CTNND2: variants seen among roughly 807,000 people sequenced by gnomAD.
The protein encoded by CTNND2 is catenin delta-2.
A neutral mutation model predicts 144.4 loss-of-function variants in CTNND2; 22 were observed. The ratio of observed to expected loss-of-function variants is 0.15; its 90% CI spans 0.11 to 0.22. The LOEUF (loss-of-function observed/expected upper bound fraction) is 0.22. Ranked by LOEUF, CTNND2 falls within the 10% of genes least tolerant of loss-of-function variation. The pLI is 1.00. For missense variants in CTNND2, 1,353 were observed against 1,618.8 expected, an observed-to-expected ratio of 0.84 and a Z score of 2.82; for synonymous variants, 751 against 695.6, an observed-to-expected ratio of 1.08 and a Z score of -1.25.
intron 1 of CTNND2, among the ~76,000 whole-genome samples, chr5:11,787,446 A>G (rs557309852): frequency 6.5e-4 from 99 of 152,302 alleles, no homozygotes; most frequent in African/African-American, 2.1e-3. Context: ...ACACGCCAAC[A>G]TATCTAGCCA....
intron 9 of CTNND2, among the ~76,000 whole-genome samples, chr5:11,282,352 G>A (rs1747240244): frequency 6.6e-6 from 1 of 152,160 alleles, no homozygotes; most frequent in Non-Finnish European, 1.5e-5. Context: ...GTACTCAACA[G>A]GGAGAGTTAA....
intron 9 of CTNND2, among the ~76,000 whole-genome samples, chr5:11,262,935 C>T (rs570074694): frequency 2.2e-4 from 34 of 152,042 alleles, no homozygotes; most frequent in South Asian, 1.5e-3. Context: ...CTTTTCCTGC[C>T]GAGAATCGTT....
intron 6 of CTNND2, among the ~76,000 whole-genome samples, chr5:11,393,278 T>C (rs1252796359): frequency 6.7e-6 from 1 of 148,594 alleles, no homozygotes; most frequent in Non-Finnish European, 1.5e-5. Flanking sequence ...TCTTAATTTC[T>C]CTTACAGCAA....
At chr5:11,871,642 A>G (rs1236881855) in intron 1 of CTNND2, among the ~76,000 whole-genome samples, 1 of 152,220 alleles carries the variant, frequency 6.6e-6, no homozygotes, top group Admixed American at 6.5e-5. Flanking sequence ...TCAGTATACC[A>G]AAGAAAGACT....
chr5:11,780,255 C>T (rs943750835), intron 1 of CTNND2, among the ~76,000 whole-genome samples: 2 of 152,180 alleles, frequency 1.3e-5, no homozygotes, highest in Non-Finnish European at 2.9e-5. Context: ...TCCTGAGCCC[C>T]TAGGTACAGA....
rs148463990 is a variant in CTNND2, at chr5:11,404,138, T to C, written c.440-6935A>G. Among the ~76,000 whole-genome samples, 6 of 152,310 alleles carry C rather than the reference T, an allele frequency of 3.9e-5. 1 individual carries two copies. The highest frequency in any genetic ancestry group is 4.1e-4 in the South Asian group (2 of 4,828). On this transcript the variant is annotated intron_variant, in intron 5 of 21. Coordinates refer to ENST00000304623, the MANE Select transcript of CTNND2 (RefSeq NM_001332.4). ...CTGTCAGGGACATGATGTTGTTACA[T>C]GCCATGTAGTCTCTGGAAATCTTCA...
chr5:11,329,186 T>G (rs559130907), intron 9 of CTNND2, among the ~76,000 whole-genome samples: 1 of 152,116 alleles, frequency 6.6e-6, no homozygotes, highest in Non-Finnish European at 1.5e-5. Context: ...GACAGAGTCT[T>G]GCTCTGTCAC....
At position 11,746,726 on chromosome 5, in the gene CTNND2, C is replaced by G. The variant is rs573751131; in HGVS notation, c.38-14454G>C. Among the ~76,000 whole-genome samples, 3 of 152,166 alleles carry G rather than the reference C, an allele frequency of 2.0e-5. No individual in the cohort carries two copies. The South Asian group carries it at 6.2e-4, about 32-fold the overall frequency. ...AATTGGGTCTTATTCATATTTATAA[C>G]CTCAGTGCCTAGAATAATGCCTAGT... On this transcript the variant is annotated intron_variant, in intron 1 of 21. Coordinates refer to ENST00000304623, the MANE Select transcript of CTNND2 (RefSeq NM_001332.4).
intron 2 of CTNND2, among the ~76,000 whole-genome samples, chr5:11,668,513 T>C (rs1783697172): frequency 6.6e-6 from 1 of 152,110 alleles, no homozygotes; most frequent in Admixed American, 6.5e-5. Flanking sequence ...GGTATTTCAT[T>C]CTCTTTGCAG....
intron 3 of CTNND2, among the ~76,000 whole-genome samples, chr5:11,452,711 AT>A (rs1765404299): frequency 6.6e-6 from 1 of 152,212 alleles, no homozygotes; most frequent in African/African-American, 2.4e-5. Flanking sequence ...TTACCCAGTA[AT>A]TTATAAAATA....
chr5:11,302,176 G>A (rs1749679489), intron 9 of CTNND2, among the ~76,000 whole-genome samples: 1 of 152,118 alleles, frequency 6.6e-6, no homozygotes, highest in South Asian at 2.1e-4. Context: ...CTTCCCCTAA[G>A]GTTGGCTCTT....
At chr5:11,516,482 A>G (rs947913695) in intron 3 of CTNND2, among the ~76,000 whole-genome samples, 2 of 152,182 alleles carry the variant, frequency 1.3e-5, no homozygotes, top group Non-Finnish European at 2.9e-5. Flanking sequence ...CTGATAATCA[A>G]CTTCAGTAAA....
intron 1 of CTNND2, among the ~76,000 whole-genome samples, chr5:11,814,836 T>A (rs925980650): frequency 1.3e-4 from 20 of 152,348 alleles, no homozygotes; most frequent in Middle Eastern, 3.4e-3. Context: ...GACTACAATA[T>A]AGATTGTTGT....
chr5:11,388,867 A>G (rs1021722916), intron 6 of CTNND2, among the ~76,000 whole-genome samples: 1 of 152,226 alleles, frequency 6.6e-6, no homozygotes, highest in Admixed American at 6.5e-5. Context: ...CCTTAAAAGT[A>G]TGTTAGCACT....
intron 3 of CTNND2, 74 bp downstream of exon 3, chr5:11,564,870 A>T: frequency 1.0e-6 from 1 of 998,998 alleles, no homozygotes; most frequent in Non-Finnish European, 1.5e-6. Context: ...ACCGGGTTGG[A>T]AAGAAGAGAA....
chr5:11,345,883 T>A lies in CTNND2; in HGVS notation c.1628+489A>T, dbSNP rs376354477. ...TTTTATCAGTCTTTAAACAACTTCA[T>A]CCTAATGTTTATTTTCAGACATAGA... On this transcript the variant is annotated intron_variant, in intron 9 of 21. Transcript: ENST00000304623. 9.2e-4 allele frequency among the ~76,000 whole-genome samples: 140 copies of A among 152,234 alleles called. 3 individuals are homozygous for A. The South Asian group carries it at 0.029, about 31-fold the overall frequency.
intron 2 of CTNND2, among the ~76,000 whole-genome samples, chr5:11,631,756 TG>T (rs1202939222): frequency 6.6e-6 from 1 of 152,220 alleles, no homozygotes; most frequent in Non-Finnish European, 1.5e-5. Context: ...TGCAGCATGC[TG>T]AGACTAATGA....
intron 2 of CTNND2, among the ~76,000 whole-genome samples, chr5:11,686,223 GA>G (rs988296650): frequency 1.3e-5 from 2 of 150,914 alleles, no homozygotes; most frequent in East Asian, 1.9e-4. Context: ...AAAAAAGAAA[GA>G]AAAAATATAT....
intron 2 of CTNND2, among the ~76,000 whole-genome samples, chr5:11,706,482 T>C (rs1203052934): frequency 6.6e-6 from 1 of 152,188 alleles, no homozygotes; most frequent in Non-Finnish European, 1.5e-5. Context: ...AGGTATAAAG[T>C]TTAACATGTT....
Sources: allele counts gnomAD v4.1 joint callset (sites outside exome capture counted in the v4.1 genomes callset), GRCh38; gene constraint gnomAD v4.1.1; transcripts MANE v1.5; gene names NCBI Gene and HGNC (gene_info 2026-07-23, HGNC 2026-07-21).